JMY: variants seen among roughly 807,000 people sequenced by gnomAD.
JMY encodes the protein junction-mediating and -regulatory protein.
JMY carries 46 observed loss-of-function variants against 103.3 expected under a neutral mutation model. The observed-to-expected ratio is 0.45, with a 90% confidence interval of 0.35 to 0.57. The LOEUF (loss-of-function observed/expected upper bound fraction) is 0.57. JMY is among the 20% of genes least tolerant of loss of function. JMY has a pLI of 0.00. For synonymous variants in JMY, 526 were observed against 489.3 expected (o/e 1.07, Z -0.99); for missense variants, 1,238 against 1,255.2 (o/e 0.99, Z 0.21).
At chr5:79,275,546 C>G (rs901762784) in intron 1 of JMY, among the ~76,000 whole-genome samples, 2 of 152,086 alleles carry the variant, frequency 1.3e-5, no homozygotes, top group African/African-American at 4.8e-5. Flanking sequence ...ATGAATAAAC[C>G]GTCTAGAGCC....
At chr5:79,256,171 C>A (rs1261696875) in intron 1 of JMY, among the ~76,000 whole-genome samples, 1 of 152,220 alleles carries the variant, frequency 6.6e-6, no homozygotes, top group Non-Finnish European at 1.5e-5. Flanking sequence ...TTTTCCCTCC[C>A]CTTCCCAGTG....
chr5:79,269,589 C>T (rs1358989760), intron 1 of JMY, among the ~76,000 whole-genome samples: 1 of 152,092 alleles, frequency 6.6e-6, no homozygotes, highest in Non-Finnish European at 1.5e-5. Context: ...TTCCTTAGAT[C>T]TACTTTGATT....
chr5:79,304,043 C>T (rs1022819446), intron 6 of JMY, among the ~76,000 whole-genome samples: 5 of 152,036 alleles, frequency 3.3e-5, no homozygotes, highest in Non-Finnish European at 5.9e-5. Context: ...ACCAGCTCTT[C>T]CCTTGTTGAT....
At chr5:79,278,674 A>G (rs1746020184) in intron 2 of JMY, among the ~76,000 whole-genome samples, 1 of 148,274 alleles carries the variant, frequency 6.7e-6, no homozygotes, top group Admixed American at 6.8e-5. Flanking sequence ...AGGCTGAGGT[A>G]GGCGGAAGAT....
At chr5:79,286,342 T>G (rs1173966206) in intron 2 of JMY, among the ~76,000 whole-genome samples, 1 of 152,140 alleles carries the variant, frequency 6.6e-6, no homozygotes, top group South Asian at 2.1e-4. Context: ...TTTTTTTGCC[T>G]CTTCAAAAAG....
intron 2 of JMY, among the ~76,000 whole-genome samples, chr5:79,289,208 C>G (rs1335807983): frequency 6.9e-6 from 1 of 145,534 alleles, no homozygotes. Flanking sequence ...GTACTCCAAC[C>G]TGGACAACAA....
chr5:79,318,293 G>C (rs1199129122), intron 10 of JMY, among the ~76,000 whole-genome samples: 1 of 151,688 alleles, frequency 6.6e-6, no homozygotes, highest in Non-Finnish European at 1.5e-5. Flanking sequence ...GGGATTACAG[G>C]TGTGAGCCAC....
chr5:79,295,803 A>G (rs1192721744), intron 4 of JMY, among the ~76,000 whole-genome samples: 1 of 152,136 alleles, frequency 6.6e-6, no homozygotes, highest in Non-Finnish European at 1.5e-5. Flanking sequence ...TTTTCATTTT[A>G]TTTGTCAATA....
intron 8 of JMY, among the ~76,000 whole-genome samples, chr5:79,313,341 C>T (rs1382825362): frequency 6.6e-6 from 1 of 152,044 alleles, no homozygotes; most frequent in Non-Finnish European, 1.5e-5. Flanking sequence ...ATTACCTGAG[C>T]CAGGGAGGTC....
chr5:79,236,724 A>G lies in JMY; in HGVS notation c.74A>G (p.Glu25Gly). Residue 25 changes from glutamate (E) to glycine (G), a missense_variant, in exon 1 of 11, where the codon GAG (glutamate) becomes GGG (glycine). Transcript: ENST00000396137. ...CGGCCCCATGTGTTCGACGAGCGCG[A>G]GAAACACAAATTCGTCTTTATTGTG... Reference protein sequence around the residue: ...AVRPHVFDEREKHKFVFIVAW... With the variant: ...AVRPHVFDERGKHKFVFIVAW... 13 of 1,504,470 alleles carry G rather than the reference A, an allele frequency of 8.6e-6. No individual in the cohort carries two copies. The highest frequency in any genetic ancestry group is 1.2e-5 in the Non-Finnish European group (13 of 1,124,138). 93.2% of individuals were successfully genotyped at this position (1,504,470 alleles called of 1,614,324 possible).
chr5:79,247,614 G>A (rs538431470), intron 1 of JMY, among the ~76,000 whole-genome samples: 36 of 151,990 alleles, frequency 2.4e-4, no homozygotes, highest in Middle Eastern at 6.8e-3. Flanking sequence ...ACCTTGCCCG[G>A]CCCCTGCTAT....
At chr5:79,259,240 C>T (rs949190789) in intron 1 of JMY, among the ~76,000 whole-genome samples, 1 of 152,112 alleles carries the variant, frequency 6.6e-6, no homozygotes, top group African/African-American at 2.4e-5. Context: ...GCTATCTGGT[C>T]GTCTCTTCAG....
intron 1 of JMY, among the ~76,000 whole-genome samples, chr5:79,269,969 G>C (rs1241014694): frequency 6.6e-6 from 1 of 151,992 alleles, no homozygotes; most frequent in Non-Finnish European, 1.5e-5. Flanking sequence ...GGGCTGAAGT[G>C]ATTCTCCTGC....
intron 2 of JMY, among the ~76,000 whole-genome samples, chr5:79,286,535 C>G (rs1020484320): frequency 6.6e-6 from 1 of 151,772 alleles, no homozygotes. Context: ...CCCAACTACT[C>G]AGGAAGCTGA....
chr5:79,314,423 G>A lies in JMY; in HGVS notation c.2231G>A (p.Arg744His), dbSNP rs748400268. 26 of 1,614,008 alleles carry A rather than the reference G, an allele frequency of 1.6e-5. No homozygotes were observed. The highest frequency in any genetic ancestry group is 6.7e-5 in the Admixed American group (4 of 59,992). The change falls in exon 9 of 11, where the codon CGT becomes CAT. Residue 744 changes from arginine (R) to histidine (H), a missense_variant. Physicochemically the swap from Arg to His is conservative, Grantham distance 29 (BLOSUM62 0). Transcript: ENST00000396137. ...GAGGTGGGAGAAGGAAGAGTCAAGC[G>A]TGGGCCATCACAGACAACAGAACCC... ...TEEVGEGRVKRGPSQTTEPQS... is the reference protein window; with the variant it reads ...TEEVGEGRVKHGPSQTTEPQS...
Position 79,258,305 on chromosome 5 carries a change from G to GT in JMY, c.1033-19600dup, listed in dbSNP as rs199879072. Among the ~76,000 whole-genome samples the GT allele has an allele frequency of 6.8e-4, 79 of 117,004 alleles. 4 individuals carry two copies. Among genetic ancestry groups the GT allele is most frequent in the African/African-American group, 1.1e-3 (36 of 33,924 alleles). 76.8% of individuals were successfully genotyped at this position (117,004 alleles called of 152,430 possible). On this transcript the variant is annotated intron_variant, in intron 1 of 10. Coordinates refer to ENST00000396137, the MANE Select transcript of JMY (RefSeq NM_152405.5). ...AAATTCAGATATTAGGGCTTTTTTT[G>GT]TTTTTGTTGTTTTTTTTTTTTTTTT...
chr5:79,281,608 A>G (rs1746117119), intron 2 of JMY, among the ~76,000 whole-genome samples: 1 of 152,186 alleles, frequency 6.6e-6, no homozygotes, highest in African/African-American at 2.4e-5. Context: ...GAACTGATGG[A>G]CACAGCATGG....
At chr5:79,316,798 C>T (rs903360913) in intron 10 of JMY, among the ~76,000 whole-genome samples, 7 of 148,014 alleles carry the variant, frequency 4.7e-5, no homozygotes, top group South Asian at 4.3e-4. Flanking sequence ...CCCAGCTACT[C>T]GAGAGGCTGA....
At chr5:79,275,666 G>T (rs1429422889) in intron 1 of JMY, among the ~76,000 whole-genome samples, 2 of 152,130 alleles carry the variant, frequency 1.3e-5, no homozygotes, top group African/African-American at 4.8e-5. Context: ...ACGGTTTGTT[G>T]TTGTTATCAG....
Sources: gnomAD v4.1 joint callset for allele counts (sites outside exome capture counted in the v4.1 genomes callset) on GRCh38, gnomAD v4.1.1 for gene constraint, MANE v1.5 for transcripts, NCBI Gene and HGNC (gene_info 2026-07-23, HGNC 2026-07-21) for gene names.